SAMD13: variants seen among roughly 807,000 people sequenced by gnomAD.
The protein encoded by SAMD13 is sterile alpha motif domain-containing protein 13.
In SAMD13, 9 loss-of-function variants were observed where a neutral mutation model predicts 12.4. That is an observed-to-expected ratio of 0.72 (90% confidence interval 0.44 to 1.26). The LOEUF (loss-of-function observed/expected upper bound fraction) is 1.26. Among genes scored for constraint, SAMD13 ranks in the 50% most tolerant of loss-of-function variants. The pLI is 0.00. For synonymous variants in SAMD13, 46 were observed against 45.4 expected, an observed-to-expected ratio of 1.01 and a Z score of -0.05; for missense variants, 84 against 119.6, an observed-to-expected ratio of 0.70 and a Z score of 1.39.
At chr1:84,305,005 A>G (rs972471237) in intron 2 of SAMD13, among the ~76,000 whole-genome samples, 1 of 152,120 alleles carries the variant, frequency 6.6e-6, no homozygotes, top group Non-Finnish European at 1.5e-5. Flanking sequence ...CTCTGTGTGG[A>G]CATATGCTTT....
At chr1:84,335,891 G>T (rs1481749465) in intron 3 of SAMD13, among the ~76,000 whole-genome samples, 1 of 152,150 alleles carries the variant, frequency 6.6e-6, no homozygotes, top group Non-Finnish European at 1.5e-5. Context: ...CTTCTGGCTT[G>T]CAGGGTTTCT....
chr1:84,323,772 T>G (rs571019754), intron 2 of SAMD13, among the ~76,000 whole-genome samples: 3,511 of 152,260 alleles, frequency 0.023, 40 homozygotes, highest in Non-Finnish European at 0.033. Flanking sequence ...TGTTTTCAAC[T>G]TCCACTAAAT....
intron 1 of SAMD13, 145 bp from the exon 2 acceptor site, chr1:84,303,058 A>G (rs781212547): frequency 2.3e-5 from 14 of 613,288 alleles, no homozygotes; most frequent in Middle Eastern, 4.2e-4. Context: ...CATCTCTCCA[A>G]TCGCCGAGGG....
intron 2 of SAMD13, among the ~76,000 whole-genome samples, chr1:84,311,985 T>C (rs1678725145): frequency 6.6e-6 from 1 of 152,202 alleles, no homozygotes; most frequent in Non-Finnish European, 1.5e-5. Context: ...TTTGAATCAG[T>C]TGGTCTTAGG....
chr1:84,347,498 A>G (rs1336696123), intron 3 of SAMD13, among the ~76,000 whole-genome samples: 2 of 152,208 alleles, frequency 1.3e-5, no homozygotes, highest in African/African-American at 2.4e-5. Flanking sequence ...TTTGCCAGCA[A>G]AGATTTTTTA....
Position 84,350,410 on chromosome 1 carries a change from C to T in SAMD13, c.*636C>T, listed in dbSNP as rs1558470210. On this transcript the variant is annotated 3_prime_UTR_variant, in exon 4 of 4. Transcript: ENST00000394834. ...TCCGTTGTGTACTGAGGATATCCAT[C>T]CATATTCAGCTAGCTTTCAAATGGG... 6.6e-6 allele frequency: 1 copy of T among 152,222 alleles called. No homozygotes were observed. Among genetic ancestry groups the T allele is most frequent in the Non-Finnish European group, 1.5e-5 (1 of 68,018 alleles). 9.4% of individuals were successfully genotyped at this position (152,222 alleles called of 1,614,324 possible).
upstream of SAMD13, chr1:84,298,605 C>A: frequency 7.8e-7 from 1 of 1,279,088 alleles, no homozygotes. Context: ...CGTGGGAAGG[C>A]GCCCGCCCTC....
At chr1:84,327,286 A>G (rs1176565819) in intron 3 of SAMD13, among the ~76,000 whole-genome samples, 1 of 152,226 alleles carries the variant, frequency 6.6e-6, no homozygotes, top group Non-Finnish European at 1.5e-5. Flanking sequence ...ATGTGCAGCC[A>G]TTTGCATGAG....
intron 3 of SAMD13, among the ~76,000 whole-genome samples, chr1:84,339,415 G>T (rs1287691892): frequency 6.6e-6 from 1 of 151,890 alleles, no homozygotes; most frequent in Non-Finnish European, 1.5e-5. Context: ...GTGGTATAAG[G>T]TGATTGGCTT....
At chr1:84,334,390 G>T (rs1387542017) in intron 3 of SAMD13, among the ~76,000 whole-genome samples, 1 of 151,846 alleles carries the variant, frequency 6.6e-6, no homozygotes, top group African/African-American at 2.4e-5. Context: ...TTTCTATGGG[G>T]TTGATGGTAA....
intron 2 of SAMD13, among the ~76,000 whole-genome samples, chr1:84,310,690 A>T (rs1678688993): frequency 6.6e-6 from 1 of 152,220 alleles, no homozygotes; most frequent in East Asian, 1.9e-4. Context: ...TCAACTTGGA[A>T]GCAAAAGCAT....
chr1:84,346,722 G>A (rs1009181252), intron 3 of SAMD13, among the ~76,000 whole-genome samples: 1 of 152,186 alleles, frequency 6.6e-6, no homozygotes, highest in Non-Finnish European at 1.5e-5. Context: ...GATTTCACTT[G>A]CATCCCATGG....
upstream of SAMD13, chr1:84,298,654 A>G (rs909751729): frequency 5.9e-6 from 7 of 1,184,546 alleles, no homozygotes; most frequent in East Asian, 1.3e-4. Flanking sequence ...GAATGCCGCA[A>G]TGAAAACCGC....
intron 3 of SAMD13, among the ~76,000 whole-genome samples, chr1:84,327,445 G>A (rs187704451): frequency 1.7e-3 from 260 of 152,176 alleles, no homozygotes; most frequent in Non-Finnish European, 2.5e-3. Context: ...CGTGGGGGTG[G>A]AAAACGACTG....
At chr1:84,345,000 A>G (rs953170923) in intron 3 of SAMD13, 8 of 456,742 alleles carry the variant, frequency 1.8e-5, no homozygotes, top group Admixed American at 1.6e-4. Flanking sequence ...CCTTGTGGGT[A>G]AAGCCAGGAG....
intron 2 of SAMD13, among the ~76,000 whole-genome samples, chr1:84,310,261 T>C (rs764350287): frequency 7.2e-5 from 11 of 152,300 alleles, no homozygotes; most frequent in African/African-American, 2.2e-4. Flanking sequence ...TTTACACTTA[T>C]AGTAGGGGGG....
chr1:84,303,182 C>G, intron 1 of SAMD13, 21 bp from the exon 2 acceptor site: 2 of 1,571,204 alleles, frequency 1.3e-6, no homozygotes, highest in Non-Finnish European at 8.8e-7. Context: ...TAAACACAAG[C>G]TTTTCTCCCT....
intron 1 of SAMD13, 25 bp from the exon 2 acceptor site, chr1:84,303,178 C>T (rs316625): frequency 0.041 from 63,085 of 1,555,330 alleles, 1,534 homozygotes; most frequent in African/African-American, 0.093. Context: ...GAATTAAACA[C>T]AAGCTTTTCT....
chr1:84,339,787 T>A (rs1421592359), intron 3 of SAMD13, among the ~76,000 whole-genome samples: 1 of 152,214 alleles, frequency 6.6e-6, no homozygotes, highest in Non-Finnish European at 1.5e-5. Context: ...GAGAGTCATG[T>A]AGGCAAGAGA....
Sources: gnomAD v4.1 joint callset for allele counts (sites outside exome capture counted in the v4.1 genomes callset) on GRCh38, gnomAD v4.1.1 for gene constraint, MANE v1.5 for transcripts, NCBI Gene and HGNC (gene_info 2026-07-23, HGNC 2026-07-21) for gene names.